The following FOXK1 variants were observed in gnomAD, a reference collection of about 807,000 sequenced individuals.
FOXK1 encodes forkhead box protein K1.
A neutral mutation model predicts 51.9 loss-of-function variants in FOXK1; 19 were observed. The observed-to-expected ratio is 0.37, with a 90% CI of 0.26 to 0.54. The LOEUF is 0.54. Among genes scored for constraint, FOXK1 ranks in the 20% least tolerant of loss-of-function variants. The pLI is 0.87. For missense variants in FOXK1, 870 were observed against 1,032.7 expected (o/e 0.84, Z 2.16); for synonymous variants, 537 against 482.6 (o/e 1.11, Z -1.48).
chr7:4,712,717 G>C (rs1028339834), intron 1 of FOXK1, among the ~76,000 whole-genome samples: 1 of 152,134 alleles, frequency 6.6e-6, no homozygotes, highest in Non-Finnish European at 1.5e-5. Context: ...TCGCTCATCT[G>C]TTGCCCTCTC....
At chr7:4,708,807 G>A (rs1780138047) in intron 1 of FOXK1, among the ~76,000 whole-genome samples, 1 of 152,194 alleles carries the variant, frequency 6.6e-6, no homozygotes, top group Non-Finnish European at 1.5e-5. Context: ...GCTCACGCCT[G>A]TAATCCCAGC....
At chr7:4,691,460 G>A (rs758212116) in intron 1 of FOXK1, among the ~76,000 whole-genome samples, 1 of 152,076 alleles carries the variant, frequency 6.6e-6, no homozygotes, top group African/African-American at 2.4e-5. Flanking sequence ...CCAGCCTCCC[G>A]AGTAGCTGGA....
At chr7:4,732,594 G>C (rs537666828) in intron 1 of FOXK1, among the ~76,000 whole-genome samples, 1 of 152,138 alleles carries the variant, frequency 6.6e-6, no homozygotes, top group Non-Finnish European at 1.5e-5. Context: ...GTGGGATTAC[G>C]GGCATGAGCC....
At chr7:4,736,409 G>GTTTTTTTTTTTTTTTTTTTTTTTTTTT (rs1254384892) in intron 1 of FOXK1, among the ~76,000 whole-genome samples, 1 of 146,660 alleles carries the variant, frequency 6.8e-6, no homozygotes, top group African/African-American at 2.5e-5. Flanking sequence ...TCTAGAATCA[G>GTTTTTTTTTTTTTTTTTTTTTTTTTTT]TTTTGTTTTT....
In FOXK1 at chr7:4,728,931, C is replaced by T. The variant is rs533606184; in HGVS notation, c.561-11907C>T. ...TCAGGTGGCCAGTGAATAATGACTA[C>T]GTGGAATTACTGTGGACAGCATTTT... On this transcript the variant is annotated intron_variant, in intron 1 of 8. Transcript: ENST00000328914. Among the ~76,000 whole-genome samples, 110 of 152,174 alleles carry T rather than the reference C, an allele frequency of 7.2e-4. 2 individuals carry two copies. Among genetic ancestry groups the T allele is most frequent in the African/African-American group, 2.5e-3 (103 of 41,520 alleles).
At position 4,735,549 on chromosome 7, in the gene FOXK1, A is replaced by T. The variant is rs532627792; in HGVS notation, c.561-5289A>T. 1.3e-5 allele frequency among the ~76,000 whole-genome samples: 2 copies of T among 152,080 alleles called. No homozygotes were observed. Among genetic ancestry groups the T allele is most frequent in the African/African-American group, 4.8e-5 (2 of 41,392 alleles). On this transcript the variant is annotated intron_variant, in intron 1 of 8. Transcript: ENST00000328914. The surrounding 1 kb of genome is among the most constrained non-coding windows in gnomAD (Gnocchi z 4.7). ...CCCGTCACTCCAGCCCTAGGCAACC[A>T]CTAAGCTCCTTTCTAAGTCGGGCAA...
At position 4,744,010 on chromosome 7, in the gene FOXK1, G is replaced by A. The variant is rs1222713488; in HGVS notation, c.746+2987G>A. On this transcript the variant is annotated intron_variant, in intron 2 of 8. Coordinates refer to ENST00000328914, the MANE Select transcript of FOXK1 (RefSeq NM_001037165.2). ...CCCTGTCTCAGCCTTGAGAGTAGGTGGGAATACAGGCACATGCCACCACGC... is the reference window on the plus strand; with the variant it reads ...CCCTGTCTCAGCCTTGAGAGTAGGTAGGAATACAGGCACATGCCACCACGC... Among the ~76,000 whole-genome samples the A allele has an allele frequency of 2.6e-5, 4 of 151,988 alleles. 1 individual carries two copies. Among genetic ancestry groups the A allele is most frequent in the Non-Finnish European group, 5.9e-5 (4 of 68,012 alleles).
chr7:4,727,963 T>C (rs1358411103), intron 1 of FOXK1, among the ~76,000 whole-genome samples: 2 of 152,134 alleles, frequency 1.3e-5, no homozygotes, highest in African/African-American at 4.8e-5. Flanking sequence ...TGTTTGCCGA[T>C]TGGACTGGCA....
At chr7:4,687,383 C>G (rs1233561321) in intron 1 of FOXK1, among the ~76,000 whole-genome samples, 1 of 152,052 alleles carries the variant, frequency 6.6e-6, no homozygotes, top group African/African-American at 2.4e-5. Flanking sequence ...ACCTCCGCCT[C>G]CCAGGTTCAA....
intron 1 of FOXK1, among the ~76,000 whole-genome samples, chr7:4,724,628 G>A (rs78151676): frequency 0.049 from 7,511 of 152,270 alleles, 548 homozygotes; most frequent in African/African-American, 0.16. Context: ...GTGGCTCCAC[G>A]GCCCCCATCC....
At position 4,762,536 on chromosome 7, in the gene FOXK1, G is replaced by A. The variant is rs1780949230; in HGVS notation, c.*72G>A. The A allele has an allele frequency of 6.9e-7, 1 of 1,448,588 alleles. No individual in the cohort carries two copies. The highest frequency in any genetic ancestry group is 1.3e-5 in the South Asian group (1 of 74,090). 89.7% of individuals were successfully genotyped at this position (1,448,588 alleles called of 1,614,324 possible). A position where few individuals can be genotyped will look rare whatever the true frequency, so the allele number is the denominator to read the frequency against. On this transcript the variant is annotated 3_prime_UTR_variant, in exon 9 of 9. Transcript: ENST00000328914. The surrounding 1 kb of genome is among the most constrained non-coding windows in gnomAD (Gnocchi z 5.7). The stretch of plus-strand genomic sequence containing the variant: ...GAAGCTGGACCCGGCAGCTCAGGCG[G>A]CCGCACCCACAGACGGAGGAGAACA...
At position 4,735,691 on chromosome 7, in the gene FOXK1, C is replaced by G. The variant is rs1234756545; in HGVS notation, c.561-5147C>G. Among the ~76,000 whole-genome samples the G allele has an allele frequency of 6.6e-6, 1 of 152,198 alleles. No homozygotes were observed. ...GACACACTTAACCTTAGCGGAATCTCCGCCGGTCAAGACCGGCAGTGTGTG... is the reference window on the plus strand; with the variant it reads ...GACACACTTAACCTTAGCGGAATCTGCGCCGGTCAAGACCGGCAGTGTGTG... On this transcript the variant is annotated intron_variant, in intron 1 of 8. Transcript: ENST00000328914. This position sits in a 1 kb window ranked among gnomAD's most constrained non-coding sequence, Gnocchi z 4.7.
Position 4,759,475 on chromosome 7 carries a change from A to G in FOXK1, c.1576A>G (p.Arg526Gly). The change falls in exon 7 of 9, where the codon AGG becomes GGG. Residue 526 changes from arginine (R) to glycine (G), a missense_variant. Coordinates refer to ENST00000328914, the MANE Select transcript of FOXK1 (RefSeq NM_001037165.2). The stretch of plus-strand genomic sequence containing the variant: ...GCAGGCCCCCACCGTCACCATGGTC[A>G]GGGTGGTCACCACATCTGCCAACTC... ...VQQAPTVTMVRVVTTSANSAN... is the reference protein window; with the variant it reads ...VQQAPTVTMVGVVTTSANSAN... 2 of 1,587,324 alleles carry G rather than the reference A, an allele frequency of 1.3e-6. No homozygotes were observed. The highest frequency in any genetic ancestry group is 8.5e-7 in the Non-Finnish European group (1 of 1,171,938).
chr7:4,705,548 T>TCGCTCTCGCTCTCGCTCTCG (rs879336654), intron 1 of FOXK1, among the ~76,000 whole-genome samples: 3 of 140,232 alleles, frequency 2.1e-5, no homozygotes, highest in African/African-American at 9.2e-5. Flanking sequence ...TCTCTCTCTC[T>TCGCTCTCGCTCTCGCTCTCG]CTCTCTCTCT....
At chr7:4,757,921 T>C (rs1162543208) in intron 5 of FOXK1, 2 of 152,180 alleles carry the variant, frequency 1.3e-5, no homozygotes, top group African/African-American at 4.8e-5. Context: ...TGTTTTTGTT[T>C]TGAGAGAATA....
At chr7:4,751,722 T>C (rs1780781501) in intron 2 of FOXK1, among the ~76,000 whole-genome samples, 1 of 152,188 alleles carries the variant, frequency 6.6e-6, no homozygotes, top group African/African-American at 2.4e-5. Flanking sequence ...ACACATGTGG[T>C]CCCTCAGCCC....
At chr7:4,754,685 G>A (rs560450845) in intron 3 of FOXK1, 70 bp downstream of exon 3, 14 of 1,522,756 alleles carry the variant, frequency 9.2e-6, no homozygotes, top group South Asian at 7.2e-5. Flanking sequence ...CGGCGCGGGC[G>A]GCACAGACAG....
chr7:4,750,342 G>A (rs1357292464), intron 2 of FOXK1, among the ~76,000 whole-genome samples: 1 of 152,142 alleles, frequency 6.6e-6, no homozygotes, highest in African/African-American at 2.4e-5. Flanking sequence ...CTGGAATTGA[G>A]CTGGTGGTCC....
rs6957406 is a variant in FOXK1, at chr7:4,699,602, A to C, written c.560+16734A>C. Among the ~76,000 whole-genome samples, 476 of 152,162 alleles carry C rather than the reference A, an allele frequency of 3.1e-3. 3 individuals carry two copies. Among genetic ancestry groups the C allele is most frequent in the African/African-American group, 0.011 (462 of 41,506 alleles). ...AGGCTGGTCTCGAACTCCTGGCCTC[A>C]AGTGATCCACCCACCTCAGGCTTCC... On this transcript the variant is annotated intron_variant, in intron 1 of 8. Transcript: ENST00000328914.
Sources: gnomAD v4.1 joint callset for allele counts (sites outside exome capture counted in the v4.1 genomes callset) on GRCh38, gnomAD v4.1.1 for gene constraint, Gnocchi (gnomAD v3.1) non-coding constraint, MANE v1.5 for transcripts, NCBI Gene and HGNC (gene_info 2026-07-23, HGNC 2026-07-21) for gene names.